Variants in NMU observed in about 807,000 individuals in gnomAD.
NMU encodes the protein neuromedin U, also known as neuromedin-U.
Under a neutral mutation model 35.4 loss-of-function variants are expected in NMU, and 29 were observed. That is an observed-to-expected ratio of 0.82 (90% CI 0.61 to 1.12). The LOEUF is 1.12. Ranked by LOEUF, NMU falls within the 50% of genes most tolerant of loss-of-function variation. The probability of loss-of-function intolerance (pLI) is 0.00; values close to 1 mark genes in which losing one functional copy is unlikely to be tolerated. For synonymous variants in NMU, 78 were observed against 81.3 expected (o/e 0.96, Z 0.22); for missense variants, 199 against 206.2 (o/e 0.97, Z 0.21).
intron 3 of NMU, among the ~76,000 whole-genome samples, chr4:55,612,538 CA>C (rs1389037480): frequency 2.6e-5 from 4 of 152,100 alleles, no homozygotes; most frequent in African/African-American, 9.7e-5. Context: ...TGGCTGATTT[CA>C]AAATAGAAAA....
chr4:55,616,259 G>A, intron 3 of NMU, 79 bp downstream of exon 3: 1 of 965,410 alleles, frequency 1.0e-6, no homozygotes, highest in Non-Finnish European at 1.7e-6. Context: ...AACACATAAA[G>A]GTTCCAAAGG....
intron 2 of NMU, among the ~76,000 whole-genome samples, chr4:55,629,547 A>G (rs1484278730): frequency 4.4e-5 from 6 of 137,098 alleles, no homozygotes; most frequent in African/African-American, 1.7e-4. Context: ...TGAACCCGGG[A>G]GGCGGAGGTT....
chr4:55,605,383 C>T (rs777986166), intron 6 of NMU, 34 bp from the exon 7 acceptor site: 206 of 1,481,914 alleles, frequency 1.4e-4, no homozygotes, highest in Non-Finnish European at 1.9e-4. Context: ...TGAATAAGTG[C>T]ATGGCTTCTC....
chr4:55,605,507 CGAA>C, intron 6 of NMU, among the ~76,000 whole-genome samples, 158 bp from the exon 7 acceptor site: 1 of 152,242 alleles, frequency 6.6e-6, no homozygotes, highest in East Asian at 1.9e-4. Flanking sequence ...GGGAGCAATT[CGAA>C]GAACTGTGGA....
At chr4:55,601,543 T>G (rs776166744) in intron 7 of NMU, among the ~76,000 whole-genome samples, 2 of 152,158 alleles carry the variant, frequency 1.3e-5, no homozygotes, top group African/African-American at 4.8e-5. Flanking sequence ...TTTAAAAATG[T>G]ACACACTGTA....
chr4:55,600,063 G>C (rs899018812), intron 8 of NMU, among the ~76,000 whole-genome samples: 4 of 152,066 alleles, frequency 2.6e-5, no homozygotes, highest in African/African-American at 9.7e-5. Flanking sequence ...AGACAATGTG[G>C]ACAAACAAAA....
intron 9 of NMU, among the ~76,000 whole-genome samples, chr4:55,598,876 G>T (rs980500348): frequency 3.3e-5 from 5 of 152,070 alleles, no homozygotes; most frequent in African/African-American, 1.2e-4. Context: ...TTACTATTGT[G>T]ACATAGTCTG....
chr4:55,613,501 C>T lies in NMU; in HGVS notation c.219+2837G>A, dbSNP rs59669272. On this transcript the variant is annotated intron_variant, in intron 3 of 9. Coordinates refer to ENST00000264218, the MANE Select transcript of NMU (RefSeq NM_006681.4). ...TTATCACTAGTTTTCAGTTGTGTAC[C>T]GAATTGCCCACTCATGAATTGAGTT... Among the ~76,000 whole-genome samples, 839 of 152,030 alleles carry T rather than the reference C, an allele frequency of 5.5e-3. 12 individuals carry two copies. Among genetic ancestry groups the T allele is most frequent in the African/African-American group, 0.019 (795 of 41,456 alleles).
chr4:55,603,041 A>G (rs939673093), intron 7 of NMU, among the ~76,000 whole-genome samples: 32 of 152,150 alleles, frequency 2.1e-4, no homozygotes, highest in African/African-American at 7.5e-4. Flanking sequence ...TCTGTCACCC[A>G]GGCTGGAGTG....
At chr4:55,601,226 C>A (rs1293961228) in intron 7 of NMU, among the ~76,000 whole-genome samples, 4 of 151,940 alleles carry the variant, frequency 2.6e-5, no homozygotes, top group African/African-American at 9.7e-5. Context: ...GAAAAAAATA[C>A]ATTAACATTT....
At chr4:55,602,952 A>G (rs1023029285) in intron 7 of NMU, among the ~76,000 whole-genome samples, 2 of 152,192 alleles carry the variant, frequency 1.3e-5, no homozygotes, top group African/African-American at 4.8e-5. Flanking sequence ...GAATAAATTA[A>G]ATATGGTGTT....
chr4:55,635,487 TC>T, intron 1 of NMU, among the ~76,000 whole-genome samples: 1 of 152,144 alleles, frequency 6.6e-6, no homozygotes, highest in East Asian at 1.9e-4. Flanking sequence ...CTATTCCTTT[TC>T]CTGATCTAGT....
chr4:55,603,407 A>C (rs1022416123), intron 7 of NMU, among the ~76,000 whole-genome samples: 4 of 152,060 alleles, frequency 2.6e-5, no homozygotes, highest in African/African-American at 7.3e-5. Context: ...GTGAAAAAAA[A>C]ATTGCCTAGA....
At chr4:55,619,168 T>G (rs1734260208) in intron 2 of NMU, among the ~76,000 whole-genome samples, 1 of 152,092 alleles carries the variant, frequency 6.6e-6, no homozygotes, top group African/African-American at 2.4e-5. Context: ...GGAGCCAAGA[T>G]GGCCGAATAG....
At chr4:55,597,655 C>T (rs551952582) in intron 9 of NMU, among the ~76,000 whole-genome samples, 9 of 152,226 alleles carry the variant, frequency 5.9e-5, no homozygotes, top group South Asian at 4.1e-4. Flanking sequence ...CGTGAGCCAC[C>T]GTGCCCAGCC....
At chr4:55,597,932 A>C (rs1317637279) in intron 9 of NMU, among the ~76,000 whole-genome samples, 3 of 144,916 alleles carry the variant, frequency 2.1e-5, no homozygotes, top group Non-Finnish European at 4.6e-5. Context: ...CACTAGTATA[A>C]TTTATTTTAT....
chr4:55,603,304 G>A (rs538100584), intron 7 of NMU, among the ~76,000 whole-genome samples: 5 of 151,648 alleles, frequency 3.3e-5, no homozygotes, highest in African/African-American at 4.9e-5. Context: ...GAGCCACTGC[G>A]CCCAGCCTGA....
chr4:55,634,392 C>A (rs1020724462), intron 1 of NMU, among the ~76,000 whole-genome samples: 3 of 152,082 alleles, frequency 2.0e-5, no homozygotes, highest in Admixed American at 2.0e-4. Flanking sequence ...CATTCTTTTA[C>A]TTGAAAAATA....
intron 1 of NMU, among the ~76,000 whole-genome samples, chr4:55,635,638 G>A (rs543428833): frequency 2.2e-4 from 34 of 152,350 alleles, no homozygotes; most frequent in Non-Finnish European, 4.9e-4. Context: ...AGTTTACCTT[G>A]CCTCAGCGGA....
Sources: gnomAD v4.1 joint callset for allele counts (sites outside exome capture counted in the v4.1 genomes callset) on GRCh38, gnomAD v4.1.1 for gene constraint, MANE v1.5 for transcripts, NCBI Gene and HGNC (gene_info 2026-07-23, HGNC 2026-07-21) for gene names.